The following GPA33 variants were observed in gnomAD, a reference collection of about 807,000 sequenced individuals.
GPA33 encodes glycoprotein A33, also known as cell surface A33 antigen.
Under a neutral mutation model 35.6 loss-of-function variants are expected in GPA33, and 27 were observed. The observed-to-expected ratio is 0.76, with a 90% CI of 0.56 to 1.04. The LOEUF is 1.04. GPA33 is among the 50% of genes least tolerant of loss of function. The pLI is 0.00. For missense variants in GPA33, 428 were observed against 411.9 expected (o/e 1.04, Z -0.34); for synonymous variants, 176 against 164.0 (o/e 1.07, Z -0.56).
rs139043024 is a variant in GPA33 at position 167,062,142 on chromosome 1, G to T, written c.571+1440C>A. Reference sequence around the variant, plus strand: ...GCTAAATCGGATGGACACCTTTCAGGCCTTGTCTTTCTTTTTAAAAAATAT... The same window carrying T: ...GCTAAATCGGATGGACACCTTTCAGTCCTTGTCTTTCTTTTTAAAAAATAT... On this transcript the variant is annotated intron_variant, in intron 4 of 6. Coordinates refer to ENST00000367868, the MANE Select transcript of GPA33 (RefSeq NM_005814.3). 5.4e-4 allele frequency among the ~76,000 whole-genome samples: 81 copies of T among 151,200 alleles called. 2 individuals are homozygous for T. The East Asian group carries it at 0.014, about 26-fold the overall frequency.
rs759396228 is a variant in GPA33, at chr1:167,063,745, G to A, written c.416-8C>T. The A allele has an allele frequency of 1.9e-6, 3 of 1,610,196 alleles. No homozygotes were observed. The highest frequency in any genetic ancestry group is 1.7e-5 in the Admixed American group (1 of 59,826). ...CTGGTTTGGAGGGTGGCACTATATA[G>A]AGGAGAGACCAAAGAGAAGGCATGA... On this transcript the variant is annotated splice_polypyrimidine_tract_variant and splice_region_variant and intron_variant, in intron 3 of 6. Transcript: ENST00000367868.
chr1:167,070,042 G>A (rs1013737055), intron 2 of GPA33, among the ~76,000 whole-genome samples: 2 of 152,174 alleles, frequency 1.3e-5, no homozygotes, highest in African/African-American at 4.8e-5. Context: ...AGAGTGGTAA[G>A]TCAGGGGAGG....
Position 167,065,760 on chromosome 1 carries a change from G to C in GPA33, c.416-2023C>G, listed in dbSNP as rs553310329. Among the ~76,000 whole-genome samples the C allele has an allele frequency of 4.6e-5, 7 of 152,280 alleles. No homozygotes were observed. The East Asian group carries it at 1.4e-3, about 29-fold the overall frequency. On this transcript the variant is annotated intron_variant, in intron 3 of 6. Transcript: ENST00000367868. The stretch of plus-strand genomic sequence containing the variant: ...ATAGTGAGGGCTGGCCAGGTGTGGG[G>C]CGAGCATGAGGGAAATTAGAGGCCC...
chr1:167,078,229 C>A (rs1666862360), intron 1 of GPA33, among the ~76,000 whole-genome samples: 1 of 152,216 alleles, frequency 6.6e-6, no homozygotes, highest in Admixed American at 6.5e-5. Flanking sequence ...ATAAAACCAG[C>A]CCCCTGCTCT....
intron 2 of GPA33, among the ~76,000 whole-genome samples, chr1:167,069,599 T>C (rs1666675425): frequency 6.6e-6 from 1 of 152,260 alleles, no homozygotes; most frequent in Non-Finnish European, 1.5e-5. Flanking sequence ...CTTTGGAATG[T>C]ACTGATTGAT....
chr1:167,056,768 G>GTATA (rs1666301229), intron 4 of GPA33, among the ~76,000 whole-genome samples: 1 of 37,486 alleles, frequency 2.7e-5, no homozygotes, highest in African/African-American at 1.1e-4. Context: ...CGTGTGTGTG[G>GTATA]TGTGTGTGGC....
intron 1 of GPA33, among the ~76,000 whole-genome samples, chr1:167,081,915 A>T (rs1391360662): frequency 2.0e-5 from 3 of 152,224 alleles, no homozygotes; most frequent in Admixed American, 1.3e-4. Context: ...TATGTGGCAC[A>T]ATCCCTGCTC....
intron 3 of GPA33, among the ~76,000 whole-genome samples, chr1:167,064,355 G>T (rs958482536): frequency 6.6e-6 from 1 of 152,180 alleles, no homozygotes; most frequent in African/African-American, 2.4e-5. Flanking sequence ...TTGAGGCCCA[G>T]AGAGGACACT....
At chr1:167,067,222 G>A (rs1265477079) in intron 3 of GPA33, among the ~76,000 whole-genome samples, 4 of 151,940 alleles carry the variant, frequency 2.6e-5, no homozygotes, top group African/African-American at 4.8e-5. Flanking sequence ...GCAGCGGCTC[G>A]ATCACGGCTC....
intron 2 of GPA33, among the ~76,000 whole-genome samples, chr1:167,072,759 T>A (rs958724191): frequency 2.6e-5 from 4 of 152,104 alleles, no homozygotes; most frequent in Non-Finnish European, 5.9e-5. Context: ...AAGAGTCGAA[T>A]GCAAAACAGT....
At chr1:167,065,074 G>C (rs1376348888) in intron 3 of GPA33, among the ~76,000 whole-genome samples, 1 of 152,152 alleles carries the variant, frequency 6.6e-6, no homozygotes, top group Non-Finnish European at 1.5e-5. Flanking sequence ...TGTGGAGCTG[G>C]GTTCATTCTA....
chr1:167,085,592 G>A (rs1310703320), intron 1 of GPA33, among the ~76,000 whole-genome samples: 1 of 152,090 alleles, frequency 6.6e-6, no homozygotes, highest in East Asian at 1.9e-4. Context: ...TCATCCCCTG[G>A]GAGCTCATTA....
In GPA33 at chr1:167,069,014, G is replaced by A. The variant is rs762931477; in HGVS notation, c.323C>T (p.Thr108Ile). ...CTCGTAGGTGCCGTTGTCAGCCATGGTCAGCTGATCAATGGTGATGGAGGC... is the reference window on the plus strand; with the variant it reads ...CTCGTAGGTGCCGTTGTCAGCCATGATCAGCTGATCAATGGTGATGGAGGC... ...SDASITIDQL[T>I]MADNGTYECS... The change falls in exon 3 of 7, where the codon ACC becomes ATC. Residue 108 changes from threonine (T) to isoleucine (I), a missense_variant. Physicochemically the swap from Thr to Ile is moderately conservative, Grantham distance 89. Coordinates refer to ENST00000367868, the MANE Select transcript of GPA33 (RefSeq NM_005814.3). 1.8e-5 allele frequency: 29 copies of A among 1,613,912 alleles called. No homozygotes were observed. Among genetic ancestry groups the A allele is most frequent in the Middle Eastern group, 1.6e-4 (1 of 6,062 alleles).
intron 1 of GPA33, among the ~76,000 whole-genome samples, chr1:167,086,853 G>GC (rs1240577947): frequency 2.0e-5 from 3 of 151,876 alleles, no homozygotes; most frequent in Non-Finnish European, 4.4e-5. Flanking sequence ...AAACAAGGAA[G>GC]CTTCCTCTCA....
chr1:167,060,180 T>A (rs1666404473), intron 4 of GPA33, among the ~76,000 whole-genome samples: 1 of 152,174 alleles, frequency 6.6e-6, no homozygotes, highest in South Asian at 2.1e-4. Context: ...CCCAAGGATC[T>A]TCCCACCTCA....
rs778412255 is a variant in GPA33, at chr1:167,054,461, C to T, written c.833G>A (p.Arg278Gln). The T allele has an allele frequency of 2.0e-5, 33 of 1,614,048 alleles. No homozygotes were observed. The highest frequency in any genetic ancestry group is 2.5e-5 in the Non-Finnish European group (30 of 1,180,004). ...TEDKEDARPN[R>Q]EAYEEPPEQL... ...CTCTGGTGGCTCCTCATAGGCTTCC[C>T]GGTTCCTGCAGGGCAGCAGGGGACA... The change falls in exon 7 of 7, where the codon CGG becomes CAG. Residue 278 changes from arginine (R) to glutamine (Q), a missense_variant. Coordinates refer to ENST00000367868, the MANE Select transcript of GPA33 (RefSeq NM_005814.3).
intron 4 of GPA33, among the ~76,000 whole-genome samples, chr1:167,061,238 G>A (rs1210347309): frequency 6.6e-6 from 1 of 152,170 alleles, no homozygotes; most frequent in Non-Finnish European, 1.5e-5. Flanking sequence ...ATCTTCTTAT[G>A]CATCTTCTGT....
At chr1:167,056,874 G>GGCA (rs1666314298) in intron 4 of GPA33, among the ~76,000 whole-genome samples, 40 of 10,358 alleles carry the variant, frequency 3.9e-3, no homozygotes, top group Non-Finnish European at 5.0e-3. Context: ...TGTGGTGTGT[G>GGCA]GTGTGTGTGG....
At chr1:167,068,773 T>C in intron 3 of GPA33, 149 bp downstream of exon 3, 1 of 621,010 alleles carries the variant, frequency 1.6e-6, no homozygotes, top group South Asian at 1.9e-5. Context: ...GGAGGAGCGG[T>C]CCCTCTGCTG....
Sources: allele counts gnomAD v4.1 joint callset (sites outside exome capture counted in the v4.1 genomes callset), GRCh38; gene constraint gnomAD v4.1.1; transcripts MANE v1.5; gene names NCBI Gene and HGNC (gene_info 2026-07-23, HGNC 2026-07-21).